Variants in APOLD1 observed in about 807,000 individuals in gnomAD.
APOLD1 encodes the protein apolipoprotein L domain containing 1, also known as apolipoprotein L domain-containing protein 1.
Under a neutral mutation model 15.3 loss-of-function variants are expected in APOLD1, and 22 were observed. The ratio of observed to expected loss-of-function variants is 1.44; its 90% CI spans 1.03 to 2.05. The LOEUF (loss-of-function observed/expected upper bound fraction) is 2.05, where lower values mean the gene tolerates loss of function less well. Ranked by LOEUF, APOLD1 falls within the 30% of genes most tolerant of loss-of-function variation. The pLI is 0.00. For missense variants in APOLD1, 394 were observed against 353.5 expected (o/e 1.11, Z -0.92); for synonymous variants, 190 against 167.4 (o/e 1.13, Z -1.04).
intron 1 of APOLD1, among the ~76,000 whole-genome samples, chr12:12,728,934 T>C (rs952029212): frequency 6.6e-6 from 1 of 152,134 alleles, no homozygotes; most frequent in Non-Finnish European, 1.5e-5. Context: ...ACACCCAACA[T>C]GACAAAGATG....
chr12:12,762,043 A>T (rs1027770820), intron 1 of APOLD1, among the ~76,000 whole-genome samples: 6 of 151,960 alleles, frequency 3.9e-5, no homozygotes, highest in South Asian at 4.1e-4. Flanking sequence ...GGATCTTGCT[A>T]TGTTGCCCAG....
At chr12:12,775,351 G>A (rs1039812256) in intron 1 of APOLD1, among the ~76,000 whole-genome samples, 1 of 152,196 alleles carries the variant, frequency 6.6e-6, no homozygotes, top group African/African-American at 2.4e-5. Context: ...AAACTACTCT[G>A]TATGAGACAG....
intron 1 of APOLD1, among the ~76,000 whole-genome samples, chr12:12,769,835 C>T (rs1459003341): frequency 1.3e-5 from 2 of 152,156 alleles, no homozygotes; most frequent in Non-Finnish European, 1.5e-5. Context: ...GACATAGGCT[C>T]ACTAAAAGAC....
exon 1 of APOLD1, chr12:12,726,076 A>T: frequency 1.3e-6 from 2 of 1,492,272 alleles, no homozygotes; most frequent in Non-Finnish European, 1.8e-6. Context: ...GCGAGGATGC[A>T]CCTTCCCCTG....
chr12:12,739,539 A>G lies in APOLD1; in HGVS notation c.96+13443A>G, dbSNP rs569339319. On this transcript the variant is annotated intron_variant, in intron 1 of 1. Transcript: ENST00000326765. ...AAACAATATTTAAAAAATATATCTCAGAGTGACTTGCAGAGTAAAGATAAT... is the reference window on the plus strand; with the variant it reads ...AAACAATATTTAAAAAATATATCTCGGAGTGACTTGCAGAGTAAAGATAAT... 5.3e-5 allele frequency among the ~76,000 whole-genome samples: 8 copies of G among 152,350 alleles called. No individual in the cohort carries two copies. In the East Asian group the frequency reaches 1.5e-3, roughly 29 times the overall value.
At chr12:12,739,459 G>A (rs1479297307) in intron 1 of APOLD1, among the ~76,000 whole-genome samples, 3 of 152,198 alleles carry the variant, frequency 2.0e-5, no homozygotes, top group African/African-American at 7.2e-5. Flanking sequence ...TTTGTTACAG[G>A]TGATTGTCTA....
At chr12:12,756,248 T>C (rs776558852) in intron 1 of APOLD1, among the ~76,000 whole-genome samples, 16 of 152,262 alleles carry the variant, frequency 1.1e-4, no homozygotes, top group Non-Finnish European at 2.2e-4. Flanking sequence ...AATCGATTTT[T>C]CCAGATTTCT....
intron 1 of APOLD1, among the ~76,000 whole-genome samples, chr12:12,728,690 A>AGAG (rs1555087037): frequency 1.4e-5 from 2 of 139,330 alleles, no homozygotes; most frequent in East Asian, 2.1e-4. Flanking sequence ...AAAAAAAAAA[A>AGAG]AGAGAGAGAA....
chr12:12,728,022 A>C (rs989669660), intron 1 of APOLD1, among the ~76,000 whole-genome samples: 1 of 152,030 alleles, frequency 6.6e-6, no homozygotes, highest in African/African-American at 2.4e-5. Flanking sequence ...GCTGGAGTGC[A>C]GTGGGCATGA....
chr12:12,737,015 G>A (rs1002454101), intron 1 of APOLD1, among the ~76,000 whole-genome samples: 7 of 152,160 alleles, frequency 4.6e-5, no homozygotes, highest in African/African-American at 1.7e-4. Context: ...TTGCTCTTTG[G>A]CTGTGCGATT....
chr12:12,731,487 C>T (rs1946641436), intron 1 of APOLD1, among the ~76,000 whole-genome samples: 1 of 152,186 alleles, frequency 6.6e-6, no homozygotes, highest in South Asian at 2.1e-4. Context: ...CATACACCCA[C>T]ATACATATGC....
intron 1 of APOLD1, among the ~76,000 whole-genome samples, chr12:12,749,294 G>C (rs1946789018): frequency 6.6e-6 from 1 of 152,220 alleles, no homozygotes; most frequent in South Asian, 2.1e-4. Context: ...TCCCAGACTA[G>C]GCTGATATTG....
chr12:12,741,637 A>ACAGT (rs1177830794), intron 1 of APOLD1, among the ~76,000 whole-genome samples: 1 of 152,216 alleles, frequency 6.6e-6, no homozygotes, highest in African/African-American at 2.4e-5. Context: ...GCATTTTGCT[A>ACAGT]CAGTCTGCAC....
chr12:12,752,021 C>G (rs550703247), intron 1 of APOLD1, among the ~76,000 whole-genome samples: 1 of 152,284 alleles, frequency 6.6e-6, no homozygotes, highest in Non-Finnish European at 1.5e-5. Context: ...GAACCAGTCC[C>G]TCTGACACCT....
chr12:12,762,451 T>G lies in APOLD1; in HGVS notation c.97-24458T>G, dbSNP rs555320167. On this transcript the variant is annotated intron_variant, in intron 1 of 1. Transcript: ENST00000326765. ...CTCACTGCAACCTCTGCCTCCCAGG[T>G]TCAAGCAATTCTCCTGCCTCAGCCT... Among the ~76,000 whole-genome samples the G allele has an allele frequency of 1.1e-3, 169 of 151,886 alleles. 1 individual carries two copies. Among genetic ancestry groups the G allele is most frequent in the African/African-American group, 3.7e-3 (153 of 41,442 alleles).
At chr12:12,737,260 C>A in intron 1 of APOLD1, among the ~76,000 whole-genome samples, 1 of 151,890 alleles carries the variant, frequency 6.6e-6, no homozygotes, top group South Asian at 2.1e-4. Context: ...AAAGAGAGAC[C>A]TCTGCTGGCT....
intron 1 of APOLD1, among the ~76,000 whole-genome samples, chr12:12,735,775 C>CAATA (rs58759446): frequency 0.22 from 33,816 of 150,388 alleles, 4,256 homozygotes; most frequent in East Asian, 0.44. Flanking sequence ...CTCATTTCTA[C>CAATA]AATAAATAAA....
intron 1 of APOLD1, among the ~76,000 whole-genome samples, chr12:12,730,568 C>T (rs1385677938): frequency 6.6e-6 from 1 of 150,724 alleles, no homozygotes; most frequent in Non-Finnish European, 1.5e-5. Context: ...GTAATCCCAG[C>T]TACTGGAGAG....
chr12:12,735,036 C>T (rs1946673339), intron 1 of APOLD1, among the ~76,000 whole-genome samples: 2 of 152,182 alleles, frequency 1.3e-5, no homozygotes, highest in Non-Finnish European at 2.9e-5. Flanking sequence ...CAAGCAGGGG[C>T]TAAAATCGAA....
Sources: allele counts gnomAD v4.1 joint callset (sites outside exome capture counted in the v4.1 genomes callset), GRCh38; gene constraint gnomAD v4.1.1; transcripts MANE v1.5; gene names NCBI Gene and HGNC (gene_info 2026-07-23, HGNC 2026-07-21).